Variants in LHFPL6 observed in about 807,000 individuals in gnomAD.
LHFPL6 encodes LHFPL tetraspan subfamily member 6 protein.
Under a neutral mutation model 20.6 loss-of-function variants are expected in LHFPL6, and 9 were observed. The ratio of observed to expected loss-of-function variants is 0.44; its 90% CI spans 0.26 to 0.76. The LOEUF (loss-of-function observed/expected upper bound fraction) is 0.76, where lower values mean the gene tolerates loss of function less well. Ranked by LOEUF, LHFPL6 falls within the 30% of genes least tolerant of loss-of-function variation. The probability of loss-of-function intolerance (pLI) is 0.20; values close to 1 mark genes in which losing one functional copy is unlikely to be tolerated. For missense variants in LHFPL6, 218 were observed against 253.5 expected, an observed-to-expected ratio of 0.86 and a Z score of 0.95; for synonymous variants, 105 against 98.7, an observed-to-expected ratio of 1.06 and a Z score of -0.38.
At chr13:39,560,583 C>T (rs1375647376) in intron 2 of LHFPL6, among the ~76,000 whole-genome samples, 2 of 141,834 alleles carry the variant, frequency 1.4e-5, no homozygotes, top group Non-Finnish European at 3.0e-5. Flanking sequence ...GGCGCGATCT[C>T]GGCTCACTGC....
chr13:39,478,863 C>T (rs1304246780), intron 2 of LHFPL6, among the ~76,000 whole-genome samples: 1 of 152,238 alleles, frequency 6.6e-6, no homozygotes, highest in East Asian at 1.9e-4. Context: ...GGGTGTCCAG[C>T]TTGCAGACAG....
rs117372590 is a variant in LHFPL6, at chr13:39,379,185, G to T, written c.386-659C>A. 8.8e-4 allele frequency among the ~76,000 whole-genome samples: 134 copies of T among 152,272 alleles called. 1 individual carries two copies. The East Asian group carries it at 0.016, about 18-fold the overall frequency. On this transcript the variant is annotated intron_variant, in intron 2 of 3. Coordinates refer to ENST00000379589, the MANE Select transcript of LHFPL6 (RefSeq NM_005780.3). Reference sequence around the variant, plus strand: ...GATGACTAAACCAAAGAAAGTGATGGTTTTCTCTTAATATAGATTAAGTTA... The same window carrying T: ...GATGACTAAACCAAAGAAAGTGATGTTTTTCTCTTAATATAGATTAAGTTA...
At chr13:39,347,153 G>T (rs1045473533) in intron 3 of LHFPL6, among the ~76,000 whole-genome samples, 8 of 151,090 alleles carry the variant, frequency 5.3e-5, no homozygotes, top group Non-Finnish European at 8.8e-5. Context: ...AGCCTATGAG[G>T]GCTTAAATGT....
intron 2 of LHFPL6, among the ~76,000 whole-genome samples, chr13:39,575,000 G>A (rs896895371): frequency 1.3e-5 from 2 of 152,136 alleles, no homozygotes; most frequent in African/African-American, 4.8e-5. Context: ...GAATCTGGGA[G>A]GCAGAGGTTG....
At chr13:39,514,937 G>A (rs1182340299) in intron 2 of LHFPL6, among the ~76,000 whole-genome samples, 1 of 152,204 alleles carries the variant, frequency 6.6e-6, no homozygotes, top group Non-Finnish European at 1.5e-5. Flanking sequence ...CCAAGAATGT[G>A]TAAGATGAAC....
intron 2 of LHFPL6, among the ~76,000 whole-genome samples, chr13:39,537,543 C>A (rs1870659548): frequency 6.6e-6 from 1 of 152,090 alleles, no homozygotes; most frequent in South Asian, 2.1e-4. Context: ...GTGATAATTA[C>A]CTAAATGTAC....
intron 3 of LHFPL6, among the ~76,000 whole-genome samples, chr13:39,368,375 A>C (rs1300792735): frequency 6.6e-6 from 1 of 152,160 alleles, no homozygotes; most frequent in Non-Finnish European, 1.5e-5. Flanking sequence ...CGAGGTCAAG[A>C]GATCAAGACC....
intron 2 of LHFPL6, among the ~76,000 whole-genome samples, chr13:39,584,467 C>T (rs375665856): frequency 6.7e-4 from 96 of 142,256 alleles, no homozygotes; most frequent in African/African-American, 2.3e-3. Flanking sequence ...GCGGAAGTTG[C>T]GGTGAGCTGA....
chr13:39,511,606 G>T (rs1435628448), intron 2 of LHFPL6, among the ~76,000 whole-genome samples: 2 of 152,024 alleles, frequency 1.3e-5, no homozygotes, highest in African/African-American at 4.8e-5. Context: ...TATGAACAAA[G>T]AATATTCTAG....
intron 3 of LHFPL6, among the ~76,000 whole-genome samples, chr13:39,364,275 A>G (rs1334706782): frequency 6.6e-6 from 1 of 152,198 alleles, no homozygotes; most frequent in Non-Finnish European, 1.5e-5. Flanking sequence ...GCTGCACAGG[A>G]ACAAACTCTC....
At chr13:39,457,577 T>A (rs544807607) in intron 2 of LHFPL6, among the ~76,000 whole-genome samples, 1 of 152,316 alleles carries the variant, frequency 6.6e-6, no homozygotes, top group East Asian at 1.9e-4. Flanking sequence ...AGCAATTTCT[T>A]ACAATATTAA....
At chr13:39,377,400 A>G (rs575785427) in intron 3 of LHFPL6, among the ~76,000 whole-genome samples, 29 of 152,322 alleles carry the variant, frequency 1.9e-4, no homozygotes, top group African/African-American at 5.1e-4. Flanking sequence ...TTCCCATACA[A>G]TGATAAGTGT....
chr13:39,538,773 G>T (rs1431387799), intron 2 of LHFPL6, among the ~76,000 whole-genome samples: 1 of 151,892 alleles, frequency 6.6e-6, no homozygotes, highest in Non-Finnish European at 1.5e-5. Context: ...TTTCAATTTG[G>T]TTATACAGCA....
intron 2 of LHFPL6, among the ~76,000 whole-genome samples, chr13:39,587,159 A>G (rs902000626): frequency 7.9e-4 from 5 of 6,368 alleles, no homozygotes; most frequent in African/African-American, 1.5e-3. Context: ...CTCCGTCTCA[A>G]AAAAAAAAAA....
intron 2 of LHFPL6, among the ~76,000 whole-genome samples, chr13:39,384,749 G>T (rs1431794715): frequency 6.6e-6 from 1 of 152,146 alleles, no homozygotes; most frequent in Non-Finnish European, 1.5e-5. Context: ...TAGCTCACAA[G>T]CTTTAATATT....
intron 2 of LHFPL6, among the ~76,000 whole-genome samples, chr13:39,439,914 T>C (rs774667098): frequency 2.0e-5 from 3 of 152,220 alleles, no homozygotes; most frequent in African/African-American, 4.8e-5. Context: ...CTCTTTTCTT[T>C]ATAAATTACC....
At chr13:39,497,267 T>C (rs990510612) in intron 2 of LHFPL6, among the ~76,000 whole-genome samples, 1 of 152,170 alleles carries the variant, frequency 6.6e-6, no homozygotes, top group African/African-American at 2.4e-5. Flanking sequence ...ACAAGCACTG[T>C]ACTTACCGGC....
intron 3 of LHFPL6, among the ~76,000 whole-genome samples, chr13:39,351,680 G>C (rs1399300320): frequency 1.3e-5 from 2 of 152,084 alleles, no homozygotes; most frequent in African/African-American, 4.8e-5. Context: ...TAGCTTAATA[G>C]GCAGACAAGA....
At chr13:39,345,101 T>C (rs1869356098) in intron 3 of LHFPL6, among the ~76,000 whole-genome samples, 1 of 152,232 alleles carries the variant, frequency 6.6e-6, no homozygotes, top group African/African-American at 2.4e-5. Flanking sequence ...TCTTATCAGA[T>C]GATGCTCCAA....
Sources: allele counts gnomAD v4.1 joint callset (sites outside exome capture counted in the v4.1 genomes callset), GRCh38; gene constraint gnomAD v4.1.1; transcripts MANE v1.5; gene names NCBI Gene and HGNC (gene_info 2026-07-23, HGNC 2026-07-21).